TUT7: variants seen among roughly 807,000 people sequenced by gnomAD.
The protein encoded by TUT7 is terminal uridylyl transferase 7, also known as terminal uridylyltransferase 7.
A neutral mutation model predicts 165.9 loss-of-function variants in TUT7; 33 were observed. The observed-to-expected ratio is 0.20, with a 90% CI of 0.15 to 0.27. TUT7 has a LOEUF of 0.27. Ranked by LOEUF, TUT7 falls within the 10% of genes least tolerant of loss-of-function variation. TUT7 has a pLI of 1.00. For missense variants in TUT7, 1,338 were observed against 1,762.3 expected (o/e 0.76, Z 4.31); for synonymous variants, 552 against 608.1 (o/e 0.91, Z 1.36).
chr9:86,317,414 G>A (rs1828821160), intron 16 of TUT7, 138 bp from the exon 17 acceptor site: 6 of 690,868 alleles, frequency 8.7e-6, no homozygotes. Context: ...TTCTAGTTGG[G>A]TATTAGAGTC....
rs1254235921 is a variant in TUT7 at position 86,352,874 on chromosome 9, T to C, written c.326A>G (p.Asn109Ser). The C allele has an allele frequency of 6.2e-7, 1 of 1,614,236 alleles. No homozygotes were observed. The highest frequency in any genetic ancestry group is 1.1e-5 in the South Asian group (1 of 91,086). Residue 109 changes from asparagine to serine, a missense_variant, in exon 2 of 27, where the codon AAT becomes AGT. Around this residue, in one of 7 missense-constraint regions of TUT7, gnomAD observed 434 missense variants for 480.8 expected, o/e 0.90. Transcript: ENST00000375963. ...KRWLSDEHTG[N>S]SDNWREFKPG... ...TTTGAATTCTCTCCAGTTGTCTGAA[T>C]TACCAGTATGTTCATCAGACAGCCA...
intron 26 of TUT7, among the ~76,000 whole-genome samples, chr9:86,299,651 C>T (rs1043502796): frequency 2.6e-5 from 4 of 152,162 alleles, no homozygotes; most frequent in South Asian, 2.1e-4. Flanking sequence ...CTACCCGCCC[C>T]GCATCTTTTT....
chr9:86,353,777 T>C (rs895459808), intron 1 of TUT7, among the ~76,000 whole-genome samples: 6 of 152,188 alleles, frequency 3.9e-5, no homozygotes, highest in African/African-American at 1.4e-4. Flanking sequence ...ACGGAGGGGC[T>C]GGGCTTCCGA....
intron 11 of TUT7, among the ~76,000 whole-genome samples, 159 bp downstream of exon 11, chr9:86,328,181 C>A (rs960827059): frequency 6.6e-6 from 1 of 151,984 alleles, no homozygotes; most frequent in Non-Finnish European, 1.5e-5. Context: ...TTTTTTTTAA[C>A]CTTTTCTCAT....
intron 17 of TUT7, among the ~76,000 whole-genome samples, chr9:86,312,938 T>G (rs1828338006): frequency 6.6e-6 from 1 of 151,658 alleles, no homozygotes; most frequent in Admixed American, 6.6e-5. Context: ...TCATCACCAC[T>G]CCCTAATCTC....
intron 5 of TUT7, 193 bp downstream of exon 5, chr9:86,344,784 T>G: frequency 1.8e-6 from 1 of 564,234 alleles, no homozygotes; most frequent in Non-Finnish European, 3.0e-6. Context: ...GGAAACAGGT[T>G]TATAATGACA....
intron 5 of TUT7, among the ~76,000 whole-genome samples, chr9:86,343,890 G>A (rs1831528385): frequency 6.6e-6 from 1 of 152,080 alleles, no homozygotes; most frequent in Non-Finnish European, 1.5e-5. Context: ...TCAGGGGTTG[G>A]TTTTCTTGTT....
Position 86,301,192 on chromosome 9 carries a change from A to G in TUT7, c.4420+84T>C. ...TAAATATATTGATAAAGAAATAAAG[A>G]TAACTAAAATAGTAAAGAGCTCTAA... On this transcript the variant is annotated intron_variant, in intron 26 of 26. Coordinates refer to ENST00000375963, the MANE Select transcript of TUT7 (RefSeq NM_024617.4). 3.3e-6 allele frequency: 4 copies of G among 1,209,812 alleles called. No homozygotes were observed. The South Asian group carries it at 6.1e-5, about 19-fold the overall frequency. 74.9% of individuals were successfully genotyped at this position (1,209,812 alleles called of 1,614,324 possible).
intron 14 of TUT7, among the ~76,000 whole-genome samples, chr9:86,320,138 A>T (rs1829107095): frequency 6.6e-6 from 1 of 152,146 alleles, no homozygotes; most frequent in African/African-American, 2.4e-5. Context: ...AAGGGCCTTC[A>T]GAAATCACCA....
chr9:86,342,996 A>G, intron 6 of TUT7, 79 bp downstream of exon 6: 1 of 952,154 alleles, frequency 1.1e-6, no homozygotes, highest in Non-Finnish European at 1.6e-6. Context: ...TATCTAAAAT[A>G]TATTCATAGA....
At chr9:86,290,804 A>G (rs1825847217) in intron 26 of TUT7, among the ~76,000 whole-genome samples, 1 of 151,968 alleles carries the variant, frequency 6.6e-6, no homozygotes, top group African/African-American at 2.4e-5. Flanking sequence ...AGGTTGCAGT[A>G]AGCCAAGATC....
At chr9:86,337,845 A>G (rs1830952174) in intron 9 of TUT7, among the ~76,000 whole-genome samples, 1 of 152,192 alleles carries the variant, frequency 6.6e-6, no homozygotes, top group South Asian at 2.1e-4. Flanking sequence ...TCATTTGTTT[A>G]GAATACATGT....
At chr9:86,352,659 T>C (rs777788464) in intron 2 of TUT7, 21 bp downstream of exon 2, 4 of 1,613,930 alleles carry the variant, frequency 2.5e-6, no homozygotes, top group African/African-American at 2.7e-5. Flanking sequence ...GGTTGTGATC[T>C]GACAAGTTGG....
At chr9:86,288,768 C>G (rs1214764388) in intron 26 of TUT7, 24 bp from the exon 27 acceptor site, 6 of 1,590,868 alleles carry the variant, frequency 3.8e-6, no homozygotes, top group Non-Finnish European at 5.2e-6. Flanking sequence ...AGAAACAAAA[C>G]CCAATATAAA....
Position 86,323,678 on chromosome 9 carries a change from T to G in TUT7, c.2072A>C (p.Lys691Thr), listed in dbSNP as rs1297487272. The G allele has an allele frequency of 1.2e-6, 2 of 1,614,222 alleles. No individual in the cohort carries two copies. Among genetic ancestry groups the G allele is most frequent in the African/African-American group, 2.7e-5 (2 of 75,070 alleles). Residue 691 changes from lysine to threonine, a missense_variant, in exon 13 of 27, where the codon AAG becomes ACG. Lys to Thr is a moderately conservative substitution (Grantham distance 78). Coordinates refer to ENST00000375963, the MANE Select transcript of TUT7 (RefSeq NM_024617.4). The part of the protein sequence containing the change: ...GATSSAANTC[K>T]VQPLTLKETA... ...CTCTTTAAGAGTAAGTGGCTGTACC[T>G]TACAGGTATTTGCAGCTGAACTGGT...
chr9:86,312,003 C>G (rs1235294225), intron 17 of TUT7, among the ~76,000 whole-genome samples: 1 of 152,238 alleles, frequency 6.6e-6, no homozygotes, highest in East Asian at 1.9e-4. Flanking sequence ...GCCTTGGCCT[C>G]CCAAAGTGCT....
intron 6 of TUT7, among the ~76,000 whole-genome samples, chr9:86,341,848 T>C (rs754620725): frequency 1.3e-5 from 2 of 152,098 alleles, no homozygotes; most frequent in Non-Finnish European, 2.9e-5. Flanking sequence ...TCATTTTCTA[T>C]CCCTGAACCT....
chr9:86,325,262 A>G (rs1829687720), intron 12 of TUT7, 72 bp downstream of exon 12: 1 of 1,438,956 alleles, frequency 6.9e-7, no homozygotes, highest in African/African-American at 1.4e-5. Flanking sequence ...AGACTGAAAT[A>G]AAAAGCATGC....
At chr9:86,346,019 T>A (rs1444882771) in intron 3 of TUT7, among the ~76,000 whole-genome samples, 3 of 152,136 alleles carry the variant, frequency 2.0e-5, no homozygotes, top group African/African-American at 7.2e-5. Context: ...CACAAGTAAC[T>A]GGGGCTACAG....
Sources: gnomAD v4.1 joint callset for allele counts (sites outside exome capture counted in the v4.1 genomes callset) on GRCh38, gnomAD v4.1.1 for gene constraint, gnomAD v4.1.1 regional missense constraint, MANE v1.5 for transcripts, NCBI Gene and HGNC (gene_info 2026-07-23, HGNC 2026-07-21) for gene names.